Variants in FARS2 observed in about 807,000 individuals in gnomAD.
FARS2 encodes the protein phenylalanyl-tRNA synthetase 2, mitochondrial, also known as phenylalanine--tRNA ligase, mitochondrial.
Under a neutral mutation model 46.4 loss-of-function variants are expected in FARS2, and 40 were observed. The ratio of observed to expected loss-of-function variants is 0.86; its 90% CI spans 0.67 to 1.12. The LOEUF is 1.12. FARS2 is among the 50% of genes most tolerant of loss of function. The pLI, the probability that FARS2 is intolerant of heterozygous loss-of-function variation, is 0.00. For synonymous variants in FARS2, 234 were observed against 214.9 expected, an observed-to-expected ratio of 1.09 and a Z score of -0.78; for missense variants, 513 against 567.9, an observed-to-expected ratio of 0.90 and a Z score of 0.98.
rs73718331 is a variant in FARS2, at chr6:5,635,355, A to G, written c.1217+22035A>G. 8.7e-3 allele frequency among the ~76,000 whole-genome samples: 1,323 copies of G among 152,360 alleles called. 12 individuals are homozygous for G. Among genetic ancestry groups the G allele is most frequent in the Middle Eastern group, 0.037 (11 of 294 alleles). On this transcript the variant is annotated intron_variant, in intron 6 of 6. Transcript: ENST00000274680. ...GCTCAAAATAGGCACCTAGTTGCTGATGATAATTTACTCCAAACAATAAAA... is the reference window on the plus strand; with the variant it reads ...GCTCAAAATAGGCACCTAGTTGCTGGTGATAATTTACTCCAAACAATAAAA...
intron 4 of FARS2, among the ~76,000 whole-genome samples, chr6:5,451,246 C>A (rs188375295): frequency 1.1e-4 from 16 of 151,822 alleles, no homozygotes; most frequent in African/African-American, 3.9e-4. Flanking sequence ...ACTTCTAAGG[C>A]TTTATTACCT....
upstream of FARS2, chr6:5,260,598 T>TGCCCCGGCCCCGGGCC: frequency 1.8e-6 from 2 of 1,105,568 alleles, no homozygotes; most frequent in Non-Finnish European, 1.3e-6. Flanking sequence ...GCACCCCCGG[T>TGCCCCGGCCCCGGGCC]CCCCGGCCCC....
chr6:5,292,434 T>G (rs895958279), intron 1 of FARS2, among the ~76,000 whole-genome samples: 1 of 152,068 alleles, frequency 6.6e-6, no homozygotes, highest in Non-Finnish European at 1.5e-5. Flanking sequence ...CTGTCAGCAA[T>G]AGACAAAATG....
intron 2 of FARS2, among the ~76,000 whole-genome samples, chr6:5,401,740 C>T (rs1761267156): frequency 6.6e-6 from 1 of 152,108 alleles, no homozygotes; most frequent in Non-Finnish European, 1.5e-5. Context: ...ATATAAACTT[C>T]TTGACCCACA....
intron 4 of FARS2, among the ~76,000 whole-genome samples, chr6:5,438,175 T>A (rs79101516): frequency 0.81 from 120,634 of 148,552 alleles, 49,513 homozygotes; most frequent in East Asian, 0.9. Context: ...CCTTTTTTTT[T>A]AAAAAAATTA....
chr6:5,332,045 C>T (rs1770833862), intron 1 of FARS2, among the ~76,000 whole-genome samples: 1 of 152,074 alleles, frequency 6.6e-6, no homozygotes, highest in South Asian at 2.1e-4. Context: ...ATAGATATTC[C>T]TGATCCCCTT....
intron 6 of FARS2, among the ~76,000 whole-genome samples, chr6:5,633,538 G>T (rs943785277): frequency 2.0e-5 from 3 of 152,050 alleles, no homozygotes; most frequent in Admixed American, 2.0e-4. Context: ...AAAGTGCTGG[G>T]ATTACAGGCG....
intron 6 of FARS2, among the ~76,000 whole-genome samples, chr6:5,614,565 G>A (rs541813164): frequency 6.6e-6 from 1 of 152,114 alleles, no homozygotes; most frequent in Non-Finnish European, 1.5e-5. Context: ...GCCTGCTACG[G>A]CCCCCGGCTA....
intron 2 of FARS2, among the ~76,000 whole-genome samples, chr6:5,399,263 C>T (rs114804408): frequency 0.02 from 3,039 of 151,266 alleles, 94 homozygotes; most frequent in African/African-American, 0.07. Context: ...CAATTCCTGC[C>T]TCCCGGGTTC....
intron 6 of FARS2, among the ~76,000 whole-genome samples, chr6:5,688,836 T>G: frequency 6.6e-6 from 1 of 152,010 alleles, no homozygotes; most frequent in East Asian, 1.9e-4. Flanking sequence ...GGTCCTGGAC[T>G]TTTTTTGGTT....
Position 5,602,229 on chromosome 6 carries a change from G to A in FARS2, c.1066-10940G>A, listed in dbSNP as rs80229707. Among the ~76,000 whole-genome samples the A allele has an allele frequency of 1.5e-3, 234 of 152,276 alleles. 1 individual carries two copies. Among genetic ancestry groups the A allele is most frequent in the African/African-American group, 5.5e-3 (230 of 41,558 alleles). On this transcript the variant is annotated intron_variant, in intron 5 of 6. Transcript: ENST00000274680. The stretch of plus-strand genomic sequence containing the variant: ...GCAGAAAGAAACTTTACTGAAATAA[G>A]GGTGCTGCAGTACTGGGTTGAATTA...
At chr6:5,762,585 G>T (rs1762531999) in intron 6 of FARS2, among the ~76,000 whole-genome samples, 1 of 152,232 alleles carries the variant, frequency 6.6e-6, no homozygotes, top group African/African-American at 2.4e-5. Flanking sequence ...TGAGGACTTG[G>T]CGAGTATTTG....
At chr6:5,668,897 T>C (rs1461044924) in intron 6 of FARS2, among the ~76,000 whole-genome samples, 3 of 152,052 alleles carry the variant, frequency 2.0e-5, no homozygotes, top group Admixed American at 2.0e-4. Context: ...GGTTTCACCA[T>C]GTTGGCCAGG....
At chr6:5,366,638 G>C (rs1447912488) in intron 1 of FARS2, among the ~76,000 whole-genome samples, 5 of 152,094 alleles carry the variant, frequency 3.3e-5, no homozygotes. Flanking sequence ...GCACATCCCT[G>C]GGAATGGAAC....
intron 6 of FARS2, 72 bp from the exon 7 acceptor site, chr6:5,771,219 G>T: frequency 6.3e-7 from 1 of 1,588,742 alleles, no homozygotes. Flanking sequence ...TCTGGCCAGG[G>T]CAAGCCACAC....
At chr6:5,452,984 A>G (rs1009093562) in intron 4 of FARS2, among the ~76,000 whole-genome samples, 1 of 152,114 alleles carries the variant, frequency 6.6e-6, no homozygotes, top group African/African-American at 2.4e-5. Context: ...GGGCAAAAGT[A>G]GGGGTACGGG....
At chr6:5,629,468 C>G (rs1776190394) in intron 6 of FARS2, among the ~76,000 whole-genome samples, 1 of 149,414 alleles carries the variant, frequency 6.7e-6, no homozygotes, top group Admixed American at 6.6e-5. Flanking sequence ...ACATGTTGCC[C>G]ACGTATACAG....
chr6:5,485,164 A>G (rs1389687273), intron 4 of FARS2, among the ~76,000 whole-genome samples: 1 of 152,132 alleles, frequency 6.6e-6, no homozygotes, highest in Admixed American at 6.5e-5. Flanking sequence ...ATTTTGTTTC[A>G]TGGCCAAGTC....
chr6:5,555,312 G>A (rs1213187232), intron 5 of FARS2, among the ~76,000 whole-genome samples: 2 of 152,102 alleles, frequency 1.3e-5, no homozygotes, highest in African/African-American at 2.4e-5. Flanking sequence ...TTCATCAGCA[G>A]CATGAAAACG....
Sources: allele counts gnomAD v4.1 joint callset (sites outside exome capture counted in the v4.1 genomes callset), GRCh38; gene constraint gnomAD v4.1.1; transcripts MANE v1.5; gene names NCBI Gene and HGNC (gene_info 2026-07-23, HGNC 2026-07-21).